PTPRZ1: variants seen among roughly 807,000 people sequenced by gnomAD.
The protein encoded by PTPRZ1 is protein tyrosine phosphatase receptor type Z1.
In PTPRZ1, 82 loss-of-function variants were observed where a neutral mutation model predicts 214.1. That is an observed-to-expected ratio of 0.38 (90% confidence interval 0.32 to 0.46). The LOEUF is 0.46. Ranked by LOEUF, PTPRZ1 falls within the 20% of genes least tolerant of loss-of-function variation. The pLI is 1.00. For missense variants in PTPRZ1, 2,603 were observed against 2,748.7 expected (o/e 0.95, Z 1.19); for synonymous variants, 945 against 987.9 (o/e 0.96, Z 0.81).
intron 23 of PTPRZ1, among the ~76,000 whole-genome samples, chr7:122,049,966 T>C (rs1206358): frequency 6.6e-6 from 1 of 152,062 alleles, no homozygotes; most frequent in South Asian, 2.1e-4. Context: ...TGTGGTAGAG[T>C]TAACATTACG....
intron 10 of PTPRZ1, among the ~76,000 whole-genome samples, chr7:122,000,646 CATATATATATATATAT>C (rs60953788): frequency 0.13 from 6,657 of 51,392 alleles, 512 homozygotes; most frequent in Non-Finnish European, 0.14. Flanking sequence ...TGATAGATTT[CATATATATATATATAT>C]ATATATATAT....
intron 4 of PTPRZ1, among the ~76,000 whole-genome samples, chr7:121,975,562 C>A (rs1469587913): frequency 6.6e-6 from 1 of 152,186 alleles, no homozygotes; most frequent in Non-Finnish European, 1.5e-5. Flanking sequence ...TCAGAGGCTT[C>A]CTACTCTTAC....
chr7:122,007,989 ACTGGGTTCTGAGAGGTT>A (rs1798543455), intron 11 of PTPRZ1, among the ~76,000 whole-genome samples: 1 of 152,174 alleles, frequency 6.6e-6, no homozygotes, highest in Admixed American at 6.6e-5. Flanking sequence ...AATCACCCTC[ACTGGGTTCTGAGAGGTT>A]CTGAACCTCA....
intron 26 of PTPRZ1, among the ~76,000 whole-genome samples, chr7:122,054,487 G>A (rs537109537): frequency 2.6e-5 from 4 of 152,026 alleles, no homozygotes; most frequent in African/African-American, 9.6e-5. Flanking sequence ...GAAAAGCAGC[G>A]ATATCCCATC....
At chr7:122,057,947 AGTGT>A (rs553724896) in intron 27 of PTPRZ1, among the ~76,000 whole-genome samples, 68 of 146,738 alleles carry the variant, frequency 4.6e-4, no homozygotes, top group African/African-American at 1.1e-3. Flanking sequence ...TCATTCATAT[AGTGT>A]GTGTGTGTGT....
In PTPRZ1 at chr7:122,037,027, C is replaced by A. The variant is rs887401527; in HGVS notation, c.5367+345C>A. Among the ~76,000 whole-genome samples, 9 of 152,154 alleles carry A rather than the reference C, an allele frequency of 5.9e-5. No homozygotes were observed. In the East Asian group the frequency reaches 1.7e-3, roughly 29 times the overall value. Reference sequence around the variant, plus strand: ...GTGGCTCACGCCTGTAATCCCAGAACTTTGGGAGGCTGAGGCAGGCGGATC... The same window carrying A: ...GTGGCTCACGCCTGTAATCCCAGAAATTTGGGAGGCTGAGGCAGGCGGATC... On this transcript the variant is annotated intron_variant, in intron 18 of 29. Transcript: ENST00000393386.
chr7:122,014,744 GTATTTATGTATT>G (rs1393523815), intron 12 of PTPRZ1, among the ~76,000 whole-genome samples: 1 of 152,086 alleles, frequency 6.6e-6, no homozygotes, highest in Non-Finnish European at 1.5e-5. Flanking sequence ...GGCCAGGGAG[GTATTTATGTATT>G]TATTTATTTA....
At position 121,896,235 on chromosome 7, in the gene PTPRZ1, T is replaced by C. The variant is rs936867479; in HGVS notation, c.58+22678T>C. The stretch of plus-strand genomic sequence containing the variant: ...CCTTCTTAAATTTTTAAGTGTACAG[T>C]ATAGAATTGTTAATTATATGCACGT... On this transcript the variant is annotated intron_variant, in intron 1 of 29. Transcript: ENST00000393386. Among the ~76,000 whole-genome samples, 4 of 152,230 alleles carry C rather than the reference T, an allele frequency of 2.6e-5. No individual in the cohort carries two copies. The East Asian group carries it at 7.7e-4, about 29-fold the overall frequency.
chr7:121,908,550 T>C (rs1795180957), intron 1 of PTPRZ1: 1 of 338,868 alleles, frequency 3.0e-6, no homozygotes, highest in Admixed American at 4.4e-5. Flanking sequence ...TACTCCAGTC[T>C]TACAGGTCCT....
At chr7:121,964,253 G>C (rs1358658383) in intron 2 of PTPRZ1, among the ~76,000 whole-genome samples, 1 of 152,182 alleles carries the variant, frequency 6.6e-6, no homozygotes, top group Admixed American at 6.6e-5. Flanking sequence ...CTGAGACTGG[G>C]TAATTTATAA....
At chr7:122,003,148 A>T (rs1005624694) in intron 10 of PTPRZ1, among the ~76,000 whole-genome samples, 3 of 152,230 alleles carry the variant, frequency 2.0e-5, no homozygotes, top group Non-Finnish European at 4.4e-5. Context: ...AATAAAGAGC[A>T]TGAAGAACAG....
intron 2 of PTPRZ1, among the ~76,000 whole-genome samples, chr7:121,934,487 C>CAAAAAAAAAAAAAA (rs529475632): frequency 1.3e-5 from 1 of 77,064 alleles, no homozygotes; most frequent in African/African-American, 4.9e-5. Context: ...GACTCCGTCT[C>CAAAAAAAAAAAAAA]AAAAAAAAAA....
intron 1 of PTPRZ1, among the ~76,000 whole-genome samples, chr7:121,881,416 A>C (rs987298776): frequency 6.6e-6 from 1 of 152,214 alleles, no homozygotes; most frequent in African/African-American, 2.4e-5. Flanking sequence ...CAAATCAAGT[A>C]CTTCATAATG....
At chr7:121,935,547 TG>T (rs1449402769) in intron 2 of PTPRZ1, among the ~76,000 whole-genome samples, 53 of 40,216 alleles carry the variant, frequency 1.3e-3, no homozygotes, top group African/African-American at 8.2e-3. Flanking sequence ...GGGTTTTTTT[TG>T]TTTGTTTGTT....
At chr7:121,978,320 C>G (rs1797503399) in intron 6 of PTPRZ1, among the ~76,000 whole-genome samples, 1 of 152,154 alleles carries the variant, frequency 6.6e-6, no homozygotes, top group Non-Finnish European at 1.5e-5. Context: ...CTCTCTGTCT[C>G]TCTACCTCAC....
chr7:121,942,067 G>A (rs1211289047), intron 2 of PTPRZ1, among the ~76,000 whole-genome samples: 3 of 152,110 alleles, frequency 2.0e-5, no homozygotes, highest in Non-Finnish European at 4.4e-5. Context: ...ATTTCTCATA[G>A]ATGATTGCCT....
Position 121,997,884 on chromosome 7 carries a change from C to T in PTPRZ1, c.1118C>T (p.Ala373Val). The T allele has an allele frequency of 6.2e-7, 1 of 1,602,966 alleles. No individual in the cohort carries two copies. The highest frequency in any genetic ancestry group is 8.5e-7 in the Non-Finnish European group (1 of 1,171,254). Residue 373 changes from alanine (A) to valine (V), a missense_variant, in exon 10 of 30, where the codon GCT (alanine) becomes GTT (valine). Around this residue, in one of 6 missense-constraint regions of PTPRZ1, gnomAD observed 244 missense variants for 333.2 expected, o/e 0.73. Coordinates refer to ENST00000393386, the MANE Select transcript of PTPRZ1 (RefSeq NM_002851.3). ...TTACTAACATCTTTCTTTTAGGGTG[C>T]TATTCTCAATAATTTGCTACCCAAT... ...FLTDGYQDLG[A>V]ILNNLLPNMS...
At chr7:121,943,867 T>C (rs866229334) in intron 2 of PTPRZ1, among the ~76,000 whole-genome samples, 1 of 152,160 alleles carries the variant, frequency 6.6e-6, no homozygotes, top group Non-Finnish European at 1.5e-5. Context: ...TCTCAGCTTA[T>C]GTTATCTTAA....
At chr7:121,956,668 G>T (rs917195567) in intron 2 of PTPRZ1, among the ~76,000 whole-genome samples, 1 of 152,234 alleles carries the variant, frequency 6.6e-6, no homozygotes, top group African/African-American at 2.4e-5. Context: ...ATGGGATTCC[G>T]GTCCCAACAG....
Sources: allele counts gnomAD v4.1 joint callset (sites outside exome capture counted in the v4.1 genomes callset), GRCh38; gene constraint gnomAD v4.1.1; regional missense constraint gnomAD v4.1.1; transcripts MANE v1.5; gene names NCBI Gene and HGNC (gene_info 2026-07-23, HGNC 2026-07-21).